RASSF3: variants seen among roughly 807,000 people sequenced by gnomAD.
The protein encoded by RASSF3 is Ras association domain family member 3.
A neutral mutation model predicts 19.9 loss-of-function variants in RASSF3; 19 were observed. The observed-to-expected ratio is 0.96, with a 90% CI of 0.67 to 1.40. The LOEUF (loss-of-function observed/expected upper bound fraction) is 1.40. Ranked by LOEUF, RASSF3 falls within the 40% of genes most tolerant of loss-of-function variation. The probability of loss-of-function intolerance (pLI) is 0.00; values close to 1 mark genes in which losing one functional copy is unlikely to be tolerated. For synonymous variants in RASSF3, 110 were observed against 104.2 expected, an observed-to-expected ratio of 1.06 and a Z score of -0.34; for missense variants, 306 against 289.8, an observed-to-expected ratio of 1.06 and a Z score of -0.41.
chr12:64,688,157 T>C lies in RASSF3; in HGVS notation c.220-59T>C, dbSNP rs1873430637. On this transcript the variant is annotated intron_variant, in intron 2 of 4. Coordinates refer to ENST00000542104, the MANE Select transcript of RASSF3 (RefSeq NM_178169.4). ...ACCTTCCCGTTTTGTTTTGATATGC[T>C]TCTTCCCTAAAGTGCCACCATCCAC... 3 of 1,195,294 alleles carry C rather than the reference T, an allele frequency of 2.5e-6. No homozygotes were observed. The East Asian group carries it at 7.0e-5, about 28-fold the overall frequency. The allele number at this position is 1,195,294 out of a possible 1,614,324, so 74.0% of individuals were successfully genotyped here. A position where few individuals can be genotyped will look rare whatever the true frequency, so the allele number is the denominator to read the frequency against.
intron 2 of RASSF3, among the ~76,000 whole-genome samples, chr12:64,570,042 T>C (rs568494470): frequency 6.6e-6 from 1 of 152,170 alleles, no homozygotes; most frequent in African/African-American, 2.4e-5. Context: ...TATAATGTAT[T>C]TGACTTTCTT....
chr12:64,607,809 T>G (rs1413155338), upstream of RASSF3, among the ~76,000 whole-genome samples: 5 of 152,196 alleles, frequency 3.3e-5, no homozygotes, highest in Non-Finnish European at 5.9e-5. Flanking sequence ...CAGGCTAGAG[T>G]GCAGTGGTAA....
intron 2 of RASSF3, among the ~76,000 whole-genome samples, chr12:64,575,333 C>A (rs1869578274): frequency 6.6e-6 from 1 of 152,294 alleles, no homozygotes; most frequent in South Asian, 2.1e-4. Context: ...GCGGGCAGAT[C>A]ATGAGGTCAG....
At chr12:64,669,701 G>T (rs1435643358) in intron 1 of RASSF3, among the ~76,000 whole-genome samples, 2 of 151,808 alleles carry the variant, frequency 1.3e-5, no homozygotes, top group Non-Finnish European at 2.9e-5. Context: ...CCACGGCCAG[G>T]GTTGGGAGTC....
At chr12:64,626,642 G>T (rs1038419809) in intron 1 of RASSF3, among the ~76,000 whole-genome samples, 5 of 152,100 alleles carry the variant, frequency 3.3e-5, no homozygotes, top group African/African-American at 1.2e-4. Context: ...ACTGTAGCTA[G>T]CCTTGAACTC....
intron 1 of RASSF3, among the ~76,000 whole-genome samples, chr12:64,647,981 A>G (rs140128671): frequency 4.6e-5 from 7 of 152,364 alleles, no homozygotes; most frequent in Admixed American, 1.3e-4. Context: ...ATCTATGGAA[A>G]GTACAGAGGA....
At chr12:64,565,581 C>T (rs1367003988) in intron 2 of RASSF3, among the ~76,000 whole-genome samples, 3 of 152,118 alleles carry the variant, frequency 2.0e-5, no homozygotes, top group Non-Finnish European at 2.9e-5. Flanking sequence ...GCTGCAGTGG[C>T]GTGCGCCTGT....
chr12:64,636,630 C>A (rs1008646804), intron 1 of RASSF3, among the ~76,000 whole-genome samples: 18 of 151,702 alleles, frequency 1.2e-4, no homozygotes, highest in African/African-American at 4.4e-4. Flanking sequence ...CTTTGGGAGG[C>A]CGAGGTGGGT....
chr12:64,575,832 C>G (rs1414712615), intron 2 of RASSF3: 2 of 149,936 alleles, frequency 1.3e-5, no homozygotes, highest in Non-Finnish European at 1.5e-5. Flanking sequence ...GTAAATATGT[C>G]AATTGTCCCC....
intron 2 of RASSF3, among the ~76,000 whole-genome samples, chr12:64,549,582 C>A (rs937478162): frequency 1.3e-5 from 2 of 152,134 alleles, no homozygotes; most frequent in Non-Finnish European, 2.9e-5. Flanking sequence ...ATTAATTATT[C>A]TTAATCATTA....
intron 1 of RASSF3, among the ~76,000 whole-genome samples, chr12:64,663,221 C>T (rs767416950): frequency 6.6e-6 from 1 of 152,020 alleles, no homozygotes; most frequent in African/African-American, 2.4e-5. Context: ...GCGGGAACCT[C>T]GGATGTGTTA....
At chr12:64,681,544 T>C (rs1873126934) in intron 1 of RASSF3, among the ~76,000 whole-genome samples, 1 of 152,196 alleles carries the variant, frequency 6.6e-6, no homozygotes, top group African/African-American at 2.4e-5. Flanking sequence ...CCCACATCCA[T>C]GAGATTTTAA....
upstream of RASSF3, among the ~76,000 whole-genome samples, chr12:64,532,528 G>A (rs993544409): frequency 5.3e-5 from 8 of 151,872 alleles, no homozygotes; most frequent in South Asian, 4.2e-4. Context: ...CATACTTATC[G>A]CAACTCAGTG....
intron 1 of RASSF3, among the ~76,000 whole-genome samples, chr12:64,616,679 T>G (rs1870564332): frequency 6.6e-6 from 1 of 152,242 alleles, no homozygotes; most frequent in African/African-American, 2.4e-5. Context: ...CTTGGCTAAC[T>G]TAGCCTCTTT....
rs1453937155 is a variant in RASSF3, at chr12:64,610,728, C to T, written c.96C>T (p.Pro32=). 1.3e-6 allele frequency: 2 copies of T among 1,589,036 alleles called. No individual in the cohort carries two copies. Residue 32 remains proline (P), a synonymous_variant, in exon 1 of 5, where the codon CCC becomes CCT. Transcript: ENST00000542104. ...SFFRRAPQGK[P]RSGQQDVEKE... ...TCAGGAGAGCGCCCCAGGGCAAGCCCCGCTCCGGCCAACAAGTGAGTGGCG... is the reference window on the plus strand; with the variant it reads ...TCAGGAGAGCGCCCCAGGGCAAGCCTCGCTCCGGCCAACAAGTGAGTGGCG...
chr12:64,555,379 A>G (rs992457133), intron 2 of RASSF3, among the ~76,000 whole-genome samples: 14 of 152,220 alleles, frequency 9.2e-5, no homozygotes, highest in Admixed American at 5.2e-4. Context: ...GTGCCCAGCT[A>G]GAATCTTAAT....
At chr12:64,602,416 TAAA>T (rs1414776387) in intron 2 of RASSF3, among the ~76,000 whole-genome samples, 5 of 150,390 alleles carry the variant, frequency 3.3e-5, no homozygotes, top group African/African-American at 9.8e-5. Flanking sequence ...CCATCTCTAC[TAAA>T]ATACAAAAAA....
At chr12:64,661,130 CGTGA>C (rs1872341619) in intron 1 of RASSF3, among the ~76,000 whole-genome samples, 2 of 152,154 alleles carry the variant, frequency 1.3e-5, no homozygotes, top group East Asian at 1.9e-4. Flanking sequence ...TAGCCGTAGC[CGTGA>C]GTAAGTTAAA....
At chr12:64,613,312 A>C (rs1453794401) in intron 1 of RASSF3, among the ~76,000 whole-genome samples, 1 of 151,924 alleles carries the variant, frequency 6.6e-6, no homozygotes, top group East Asian at 1.9e-4. Flanking sequence ...ATGGAAAGAG[A>C]GGTATTGCTA....
Sources: gnomAD v4.1 joint callset for allele counts (sites outside exome capture counted in the v4.1 genomes callset) on GRCh38, gnomAD v4.1.1 for gene constraint, MANE v1.5 for transcripts, NCBI Gene and HGNC (gene_info 2026-07-23, HGNC 2026-07-21) for gene names.